The following DPYSL2 variants were observed in gnomAD, a reference collection of about 807,000 sequenced individuals.
DPYSL2 encodes dihydropyrimidinase like 2, also known as dihydropyrimidinase-related protein 2.
Under a neutral mutation model 69.9 loss-of-function variants are expected in DPYSL2, and 13 were observed. That is an observed-to-expected ratio of 0.19 (90% CI 0.12 to 0.30). DPYSL2 has a LOEUF of 0.30. Ranked by LOEUF, DPYSL2 falls within the 10% of genes least tolerant of loss-of-function variation. DPYSL2 has a pLI of 1.00. For synonymous variants in DPYSL2, 326 were observed against 359.1 expected (o/e 0.91, Z 1.04); for missense variants, 587 against 918.9 (o/e 0.64, Z 4.67).
At chr8:26,559,405 T>A (rs1355319397) in intron 1 of DPYSL2, among the ~76,000 whole-genome samples, 2 of 152,238 alleles carry the variant, frequency 1.3e-5, no homozygotes, top group Non-Finnish European at 2.9e-5. Flanking sequence ...CAATTTACAT[T>A]CTTGCGAAAG....
At chr8:26,521,241 G>A (rs1054732754) in intron 1 of DPYSL2, among the ~76,000 whole-genome samples, 2 of 152,210 alleles carry the variant, frequency 1.3e-5, no homozygotes, top group Non-Finnish European at 2.9e-5. Context: ...AAGGTGGTTT[G>A]TGTTTGTTTT....
rs1245267775 is a variant in DPYSL2, at chr8:26,653,099, C to T, written c.1777-133C>T. 4 of 1,115,850 alleles carry T rather than the reference C, an allele frequency of 3.6e-6. No individual in the cohort carries two copies. The highest frequency in any genetic ancestry group is 3.8e-6 in the Non-Finnish European group (3 of 779,888). 69.1% of individuals were successfully genotyped at this position (1,115,850 alleles called of 1,614,324 possible). On this transcript the variant is annotated intron_variant, in intron 12 of 13. Coordinates refer to ENST00000521913, the MANE Select transcript of DPYSL2 (RefSeq NM_001197293.3). The surrounding 1 kb of genome is among the most constrained non-coding windows in gnomAD (Gnocchi z 5.7). The stretch of plus-strand genomic sequence containing the variant: ...CATGGTGGGAGCTGGCCCCACACAA[C>T]ACCTGTCCACCTGTCTGTAAGGAGA...
rs1801893277 is a variant in DPYSL2 at position 26,597,668 on chromosome 8, G to A, written c.628+13685G>A. Among the ~76,000 whole-genome samples the A allele has an allele frequency of 6.6e-6, 1 of 151,804 alleles. No homozygotes were observed. The highest frequency in any genetic ancestry group is 6.6e-5 in the Admixed American group (1 of 15,220). Reference sequence around the variant, plus strand: ...ATTTTGTATTTTTAGTAGAGATGGGGTTTCACTGTTTTAGCCAGGATGGTC... The same window carrying A: ...ATTTTGTATTTTTAGTAGAGATGGGATTTCACTGTTTTAGCCAGGATGGTC... On this transcript the variant is annotated intron_variant, in intron 3 of 13. Transcript: ENST00000521913. The surrounding 1 kb of genome is among the most constrained non-coding windows in gnomAD (Gnocchi z 5.2).
In DPYSL2 at chr8:26,644,109, C is replaced by T. The variant is rs761911358; in HGVS notation, c.1425+18C>T. ...AGGCTGTGGTAAGGAGCGATGGCCT[C>T]ACTCCTTGGTGGCTCTCAGCCTTCC... On this transcript the variant is annotated intron_variant, in intron 10 of 13. Transcript: ENST00000521913. The surrounding 1 kb of genome is among the most constrained non-coding windows in gnomAD (Gnocchi z 4.5). 3 of 1,612,820 alleles carry T rather than the reference C, an allele frequency of 1.9e-6. No homozygotes were observed. Among genetic ancestry groups the T allele is most frequent in the Admixed American group, 1.7e-5 (1 of 59,950 alleles).
chr8:26,622,448 ATGTGTG>A (rs10606826), intron 3 of DPYSL2, among the ~76,000 whole-genome samples: 32 of 142,694 alleles, frequency 2.2e-4, no homozygotes, highest in Admixed American at 5.0e-4. Flanking sequence ...GCCATATTGT[ATGTGTG>A]TGTGTGTGTG....
In DPYSL2 at chr8:26,656,510, A is replaced by G. The variant is rs966728146; in HGVS notation, c.*804A>G. The stretch of plus-strand genomic sequence containing the variant: ...CTCTCTAGCTTTTTAATTCATGAAT[A>G]TTTTCGTGTCTGTCTCTCTCTCTCT... On this transcript the variant is annotated 3_prime_UTR_variant, in exon 14 of 14. Transcript: ENST00000521913. 1.4e-5 allele frequency: 2 copies of G among 147,020 alleles called. No individual in the cohort carries two copies. The highest frequency in any genetic ancestry group is 3.0e-5 in the Non-Finnish European group (2 of 67,270). 9.1% of individuals were successfully genotyped at this position (147,020 alleles called of 1,614,324 possible).
In DPYSL2 at chr8:26,642,076, G is replaced by T. The variant is rs1426823234; in HGVS notation, c.1127-1363G>T. 5.9e-5 allele frequency among the ~76,000 whole-genome samples: 9 copies of T among 152,216 alleles called. No individual in the cohort carries two copies. The South Asian group carries it at 1.7e-3, about 28-fold the overall frequency. ...TGGGGTGGGAGTTAGCCCTGTGCTG[G>T]GGGGAGCTAGTGAGAGATGAATTCA... On this transcript the variant is annotated intron_variant, in intron 8 of 13. Coordinates refer to ENST00000521913, the MANE Select transcript of DPYSL2 (RefSeq NM_001197293.3). This position sits in a 1 kb window ranked among gnomAD's most constrained non-coding sequence, Gnocchi z 5.3.
intron 3 of DPYSL2, among the ~76,000 whole-genome samples, chr8:26,616,477 T>C (rs1431893755): frequency 6.6e-6 from 1 of 152,092 alleles, no homozygotes; most frequent in Non-Finnish European, 1.5e-5. Flanking sequence ...TTAATTCAAG[T>C]CGATTCATTT....
intron 1 of DPYSL2, among the ~76,000 whole-genome samples, chr8:26,556,593 T>C (rs1800992231): frequency 6.6e-6 from 1 of 150,958 alleles, no homozygotes. Context: ...GTACAAAAAA[T>C]ACTTAGTTAT....
rs985141745 is a variant in DPYSL2 at position 26,648,090 on chromosome 8, A to G, written c.1596+290A>G. Reference sequence around the variant, plus strand: ...AGGATGTGCAAAGCTTCCAGAAGTCAGGCACCGCTCCATTTTCATAGGTTG... The same window carrying G: ...AGGATGTGCAAAGCTTCCAGAAGTCGGGCACCGCTCCATTTTCATAGGTTG... On this transcript the variant is annotated intron_variant, in intron 11 of 13. Coordinates refer to ENST00000521913, the MANE Select transcript of DPYSL2 (RefSeq NM_001197293.3). The surrounding 1 kb of genome is among the most constrained non-coding windows in gnomAD (Gnocchi z 4.3). 1.3e-5 allele frequency among the ~76,000 whole-genome samples: 2 copies of G among 152,186 alleles called. No homozygotes were observed. Among genetic ancestry groups the G allele is most frequent in the East Asian group, 3.9e-4 (2 of 5,192 alleles).
At chr8:26,634,997 C>T in intron 8 of DPYSL2, 97 bp downstream of exon 8, 1 of 1,520,602 alleles carries the variant, frequency 6.6e-7, no homozygotes, top group Non-Finnish European at 8.9e-7. Context: ...GACCCTCATG[C>T]CAAGTGGGCC....
chr8:26,566,504 C>T (rs1019620672), intron 1 of DPYSL2, among the ~76,000 whole-genome samples: 2 of 152,176 alleles, frequency 1.3e-5, no homozygotes, highest in Non-Finnish European at 2.9e-5. Context: ...TGATTACAAA[C>T]TGAACAGAGT....
In DPYSL2 at chr8:26,514,674, G is replaced by T; in HGVS notation, c.349G>T (p.Asp117Tyr). 2 of 1,399,956 alleles carry T rather than the reference G, an allele frequency of 1.4e-6. No homozygotes were observed. The highest frequency in any genetic ancestry group is 3.0e-5 in the Admixed American group (1 of 33,366). 86.7% of individuals were successfully genotyped at this position (1,399,956 alleles called of 1,614,324 possible). The change falls in exon 1 of 14, where the codon GAC becomes TAC. Residue 117 changes from aspartate (D) to tyrosine (Y), a missense_variant. Physicochemically the swap from Asp to Tyr is radical, Grantham distance 160. This residue lies in a region of DPYSL2 where 85 missense variants were observed against 77.7 expected (regional missense o/e 1.09). Transcript: ENST00000521913. The surrounding 1 kb of genome is among the most constrained non-coding windows in gnomAD (Gnocchi z 8.4). ...SGKEALQNINDQSDRLLIKGG... is the reference protein window; with the variant it reads ...SGKEALQNINYQSDRLLIKGG... ...CAAAGAAGCCCTGCAGAACATCAAC[G>T]ACCAGGTCGGTGTGGGGGTTGGGGG...
At chr8:26,550,352 A>G (rs905023024) in intron 1 of DPYSL2, among the ~76,000 whole-genome samples, 5 of 152,214 alleles carry the variant, frequency 3.3e-5, no homozygotes, top group Non-Finnish European at 5.9e-5. Context: ...AAATGACAGA[A>G]GGCAGAAAAA....
chr8:26,563,544 C>T (rs1801105558), intron 1 of DPYSL2, among the ~76,000 whole-genome samples: 1 of 152,168 alleles, frequency 6.6e-6, no homozygotes. Context: ...CAGAATTTTC[C>T]CTCCAGAGGC....
intron 1 of DPYSL2, among the ~76,000 whole-genome samples, chr8:26,532,520 G>C (rs79158958): frequency 6.6e-6 from 1 of 152,074 alleles, no homozygotes; most frequent in Non-Finnish European, 1.5e-5. Flanking sequence ...GTAAACAGTC[G>C]CTATCCATTT....
chr8:26,634,830 C>G lies in DPYSL2; in HGVS notation c.1056C>G (p.Asn352Lys). ...NRAITIANQT[N>K]CPLYITKVMS... ...CCATCACCATCGCCAACCAGACCAA[C>G]TGCCCGCTGTATATCACCAAGGTGA... The change falls in exon 8 of 14, where the codon AAC (asparagine) becomes AAG (lysine). Residue 352 changes from asparagine (N) to lysine (K), a missense_variant. This residue lies in a region of DPYSL2 where 452 missense variants were observed against 754.3 expected (regional missense o/e 0.60). Transcript: ENST00000521913. The G allele has an allele frequency of 6.2e-7, 1 of 1,614,282 alleles. No individual in the cohort carries two copies. The highest frequency in any genetic ancestry group is 8.5e-7 in the Non-Finnish European group (1 of 1,180,056).
chr8:26,515,221 C>CG (rs1307362858), intron 1 of DPYSL2, among the ~76,000 whole-genome samples: 1 of 152,214 alleles, frequency 6.6e-6, no homozygotes, highest in African/African-American at 2.4e-5. Context: ...CAGCGCCCCC[C>CG]GGACCCCCTC....
intron 3 of DPYSL2, among the ~76,000 whole-genome samples, chr8:26,612,701 C>G (rs1173319402): frequency 6.6e-6 from 1 of 152,208 alleles, no homozygotes; most frequent in East Asian, 1.9e-4. Flanking sequence ...TCAGTAGTTA[C>G]TCACTTAAGT....
Sources: allele counts gnomAD v4.1 joint callset (sites outside exome capture counted in the v4.1 genomes callset), GRCh38; gene constraint gnomAD v4.1.1; regional missense constraint gnomAD v4.1.1; non-coding constraint Gnocchi (gnomAD v3.1); transcripts MANE v1.5; gene names NCBI Gene and HGNC (gene_info 2026-07-23, HGNC 2026-07-21).